DACH1: variants seen among roughly 807,000 people sequenced by gnomAD.
The protein encoded by DACH1 is dachshund homolog 1.
DACH1 carries 12 observed loss-of-function variants against 54.2 expected under a neutral mutation model. The ratio of observed to expected loss-of-function variants is 0.22; its 90% CI spans 0.14 to 0.36. DACH1 has a LOEUF of 0.36. Ranked by LOEUF, DACH1 falls within the 10% of genes least tolerant of loss-of-function variation. DACH1 has a pLI of 1.00. For synonymous variants in DACH1, 386 were observed against 366.2 expected (o/e 1.05, Z -0.62); for missense variants, 805 against 929.8 (o/e 0.87, Z 1.75).
chr13:71,533,564 T>G (rs1431052802), intron 6 of DACH1, among the ~76,000 whole-genome samples: 1 of 152,024 alleles, frequency 6.6e-6, no homozygotes, highest in Non-Finnish European at 1.5e-5. Context: ...TCTCATCAAA[T>G]TATTTAAGGG....
In DACH1 at chr13:71,740,332, C is replaced by T. The variant is rs1244443512; in HGVS notation, c.849-58422G>A. On this transcript the variant is annotated intron_variant, in intron 1 of 10. Coordinates refer to ENST00000613252, the MANE Select transcript of DACH1 (RefSeq NM_080759.6). ...CTAAAACAAAACAAAAAAAAAATTA[C>T]ATGATTTCAAGAACTCTTTCCTTTA... Among the ~76,000 whole-genome samples the T allele has an allele frequency of 3.9e-5, 6 of 152,076 alleles. No individual in the cohort carries two copies. In the East Asian group the frequency reaches 1.2e-3, roughly 29 times the overall value.
intron 1 of DACH1, among the ~76,000 whole-genome samples, chr13:71,706,264 A>C (rs1167520530): frequency 6.6e-6 from 1 of 151,460 alleles, no homozygotes; most frequent in Non-Finnish European, 1.5e-5. Flanking sequence ...TTATATTATT[A>C]ATCTTTATAT....
intron 1 of DACH1, among the ~76,000 whole-genome samples, chr13:71,850,291 A>G (rs1030754316): frequency 6.6e-6 from 1 of 152,206 alleles, no homozygotes; most frequent in African/African-American, 2.4e-5. Context: ...TGTTCATTTC[A>G]TGAGATAGCT....
At chr13:71,861,325 G>A (rs1210223530) in intron 1 of DACH1, among the ~76,000 whole-genome samples, 1 of 151,888 alleles carries the variant, frequency 6.6e-6, no homozygotes, top group Non-Finnish European at 1.5e-5. Flanking sequence ...ACTAAATGTG[G>A]AGTTCAGAAA....
intron 1 of DACH1, among the ~76,000 whole-genome samples, chr13:71,854,876 T>G (rs1478697739): frequency 6.6e-6 from 1 of 152,084 alleles, no homozygotes; most frequent in South Asian, 2.1e-4. Flanking sequence ...AGAACTGATA[T>G]GATTTTTCAT....
intron 10 of DACH1, among the ~76,000 whole-genome samples, chr13:71,471,932 G>C (rs1376659160): frequency 2.6e-5 from 4 of 152,018 alleles, no homozygotes; most frequent in Non-Finnish European, 5.9e-5. Flanking sequence ...GGGGTTTTGA[G>C]GGATATTTAC....
intron 1 of DACH1, among the ~76,000 whole-genome samples, chr13:71,810,041 A>G (rs1344181645): frequency 6.6e-6 from 1 of 152,212 alleles, no homozygotes; most frequent in Non-Finnish European, 1.5e-5. Context: ...AAAGAAAACA[A>G]CATACAAAAA....
chr13:71,481,038 T>G (rs1192266789), intron 7 of DACH1, among the ~76,000 whole-genome samples: 2 of 152,210 alleles, frequency 1.3e-5, no homozygotes, highest in Admixed American at 6.5e-5. Context: ...AGGCTTCTTC[T>G]TCGTCAGGAA....
chr13:71,517,192 C>T (rs1484666567), intron 6 of DACH1, among the ~76,000 whole-genome samples: 5 of 151,806 alleles, frequency 3.3e-5, no homozygotes, highest in Admixed American at 6.6e-5. Context: ...TTTATGGCCA[C>T]TGTTGGAATC....
chr13:71,861,248 T>G (rs1351597774), intron 1 of DACH1, among the ~76,000 whole-genome samples: 1 of 152,014 alleles, frequency 6.6e-6, no homozygotes, highest in Admixed American at 6.6e-5. Flanking sequence ...TTATTTTATA[T>G]AATATTTGAA....
At chr13:71,846,241 C>T (rs939757923) in intron 1 of DACH1, 2 of 251,388 alleles carry the variant, frequency 8.0e-6, no homozygotes, top group Non-Finnish European at 1.7e-5. Flanking sequence ...ATGGTTCATG[C>T]CAAATTCCGA....
chr13:71,866,841 G>A lies in DACH1; in HGVS notation c.-72C>T. The A allele has an allele frequency of 8.6e-7, 1 of 1,159,132 alleles. No homozygotes were observed. The highest frequency in any genetic ancestry group is 1.6e-5 in the African/African-American group (1 of 61,218). 71.8% of individuals were successfully genotyped at this position (1,159,132 alleles called of 1,614,324 possible). On this transcript the variant is annotated 5_prime_UTR_variant, in exon 1 of 11. Coordinates refer to ENST00000613252, the MANE Select transcript of DACH1 (RefSeq NM_080759.6). Reference sequence around the variant, plus strand: ...TTGCCACACACCCCCGGGAGGGGAAGGGGAAAAAAGGGGGGAGAAGGAGCG... The same window carrying A: ...TTGCCACACACCCCCGGGAGGGGAAAGGGAAAAAAGGGGGGAGAAGGAGCG...
intron 6 of DACH1, among the ~76,000 whole-genome samples, chr13:71,490,456 G>A (rs1205307727): frequency 6.6e-6 from 1 of 152,120 alleles, no homozygotes; most frequent in African/African-American, 2.4e-5. Context: ...CGGCCAGAAG[G>A]CCTCCTATTA....
At chr13:71,804,424 T>C (rs1477600767) in intron 1 of DACH1, among the ~76,000 whole-genome samples, 1 of 152,192 alleles carries the variant, frequency 6.6e-6, no homozygotes, top group Admixed American at 6.5e-5. Flanking sequence ...ACCAGTGTGA[T>C]TCTGGCATCA....
At chr13:71,862,812 C>T (rs1874442577) in intron 1 of DACH1, among the ~76,000 whole-genome samples, 1 of 151,974 alleles carries the variant, frequency 6.6e-6, no homozygotes, top group African/African-American at 2.4e-5. Flanking sequence ...ATTATTATTC[C>T]ATGCTATTAA....
intron 1 of DACH1, among the ~76,000 whole-genome samples, chr13:71,688,721 C>T (rs941461814): frequency 3.3e-5 from 5 of 152,138 alleles, no homozygotes; most frequent in African/African-American, 1.2e-4. Flanking sequence ...CTTATTGGCT[C>T]ACAAGCACAA....
intron 5 of DACH1, among the ~76,000 whole-genome samples, chr13:71,558,567 A>G (rs966463722): frequency 2.5e-4 from 38 of 151,936 alleles, no homozygotes; most frequent in Non-Finnish European, 2.9e-5. Context: ...TTCCAATGAC[A>G]ATATCTTATA....
At chr13:71,855,460 C>T (rs1873941641) in intron 1 of DACH1, among the ~76,000 whole-genome samples, 1 of 151,948 alleles carries the variant, frequency 6.6e-6, no homozygotes, top group South Asian at 2.1e-4. Context: ...AGTAGAGATG[C>T]TATGACCTTA....
chr13:71,692,713 G>A (rs1881581889), intron 1 of DACH1, among the ~76,000 whole-genome samples: 1 of 151,262 alleles, frequency 6.6e-6, no homozygotes, highest in African/African-American at 2.4e-5. Flanking sequence ...AGTAGAGACG[G>A]GGTTTCACCA....
Sources: gnomAD v4.1 joint callset for allele counts (sites outside exome capture counted in the v4.1 genomes callset) on GRCh38, gnomAD v4.1.1 for gene constraint, MANE v1.5 for transcripts, NCBI Gene and HGNC (gene_info 2026-07-23, HGNC 2026-07-21) for gene names.